Variants in CTDSPL observed in about 807,000 individuals in gnomAD.
The protein encoded by CTDSPL is CTD small phosphatase-like protein.
In CTDSPL, 8 loss-of-function variants were observed where a neutral mutation model predicts 30.5. The ratio of observed to expected loss-of-function variants is 0.26; its 90% CI spans 0.15 to 0.47. The LOEUF is 0.47. CTDSPL is among the 20% of genes least tolerant of loss of function. CTDSPL has a pLI of 0.99. For synonymous variants in CTDSPL, 110 were observed against 137.9 expected (o/e 0.80, Z 1.42); for missense variants, 248 against 366.1 (o/e 0.68, Z 2.63).
intron 1 of CTDSPL, among the ~76,000 whole-genome samples, chr3:37,925,444 T>C (rs1030813424): frequency 6.6e-6 from 1 of 152,170 alleles, no homozygotes; most frequent in Non-Finnish European, 1.5e-5. Flanking sequence ...GCAGCTACCC[T>C]TCTCCTCCCG....
chr3:37,897,744 A>AT (rs2125599656), intron 1 of CTDSPL, among the ~76,000 whole-genome samples: 1 of 152,326 alleles, frequency 6.6e-6, no homozygotes, highest in South Asian at 2.1e-4. Context: ...AGGGTCAAGC[A>AT]TCAGAAGTGA....
chr3:37,965,830 A>C (rs6784376), intron 4 of CTDSPL, among the ~76,000 whole-genome samples: 2,523 of 152,326 alleles, frequency 0.017, 67 homozygotes, highest in African/African-American at 0.057. Context: ...GACCTCTAGC[A>C]GTGAGAAATT....
intron 1 of CTDSPL, among the ~76,000 whole-genome samples, chr3:37,900,917 T>C (rs1351414943): frequency 6.6e-6 from 1 of 152,100 alleles, no homozygotes; most frequent in African/African-American, 2.4e-5. Context: ...CCTGCCTCAG[T>C]CTCTCTAGTA....
chr3:37,875,951 A>AT (rs369739472), intron 1 of CTDSPL, among the ~76,000 whole-genome samples: 1 of 152,068 alleles, frequency 6.6e-6, no homozygotes, highest in South Asian at 2.1e-4. Context: ...TTTAAGTTTA[A>AT]TTTTTTATTG....
Position 37,862,099 on chromosome 3 carries a change from AGCGCCCCCCC to A in CTDSPL, c.-95_-86del. The stretch of plus-strand genomic sequence containing the variant: ...CGGGCGCGCCCAGGCAGCGGCTGCG[AGCGCCCCCCC>A]GCGCCGCGCCCCCGCGCCCCCCGCG... On this transcript the variant is annotated 5_prime_UTR_variant, in exon 1 of 8. Transcript: ENST00000273179. This position sits in a 1 kb window ranked among gnomAD's most constrained non-coding sequence, Gnocchi z 4.3. 3.8e-6 allele frequency: 1 copy of A among 261,268 alleles called. No homozygotes were observed. Among genetic ancestry groups the A allele is most frequent in the South Asian group, 1.5e-4 (1 of 6,728 alleles). The allele number at this position is 261,268 out of a possible 1,614,324, so 16.2% of individuals were successfully genotyped here.
At chr3:37,867,622 G>A (rs990684832) in intron 1 of CTDSPL, among the ~76,000 whole-genome samples, 25 of 152,266 alleles carry the variant, frequency 1.6e-4, no homozygotes, top group African/African-American at 5.5e-4. Flanking sequence ...CCAGCATTTG[G>A]TGTTGTCACT....
chr3:37,958,463 C>G (rs1436500472), intron 3 of CTDSPL, among the ~76,000 whole-genome samples: 1 of 152,136 alleles, frequency 6.6e-6, no homozygotes, highest in Non-Finnish European at 1.5e-5. Flanking sequence ...TGCAGAGGTA[C>G]CTACATTAAA....
At chr3:37,943,797 T>C (rs1228200671) in intron 1 of CTDSPL, among the ~76,000 whole-genome samples, 2 of 150,318 alleles carry the variant, frequency 1.3e-5, no homozygotes. Context: ...CCCTTTTGTG[T>C]GTACAAGGAG....
intron 1 of CTDSPL, among the ~76,000 whole-genome samples, chr3:37,925,376 G>A (rs1468752709): frequency 6.6e-6 from 1 of 152,152 alleles, no homozygotes; most frequent in East Asian, 1.9e-4. Context: ...TGGTTCCTGG[G>A]CTTGTCTTTC....
At chr3:37,915,014 T>G (rs1213434622) in intron 1 of CTDSPL, among the ~76,000 whole-genome samples, 1 of 151,702 alleles carries the variant, frequency 6.6e-6, no homozygotes, top group Non-Finnish European at 1.5e-5. Context: ...CCTTCCAAAG[T>G]GCTGTGATTA....
intron 1 of CTDSPL, among the ~76,000 whole-genome samples, chr3:37,939,760 C>A (rs75631791): frequency 0.061 from 9,194 of 150,174 alleles, 743 homozygotes; most frequent in African/African-American, 0.084. Context: ...CCTCCCACCA[C>A]AAAAAAATTA....
At chr3:37,939,965 G>A (rs552984765) in intron 1 of CTDSPL, among the ~76,000 whole-genome samples, 4 of 150,042 alleles carry the variant, frequency 2.7e-5, no homozygotes, top group African/African-American at 7.3e-5. Context: ...GGTGGCAGGC[G>A]CCTGTAGTCC....
At chr3:37,902,744 C>A (rs1698465978) in intron 1 of CTDSPL, among the ~76,000 whole-genome samples, 1 of 152,102 alleles carries the variant, frequency 6.6e-6, no homozygotes, top group Admixed American at 6.5e-5. Context: ...CTGAACAACA[C>A]TGCAGTTAGA....
At chr3:37,864,251 G>T (rs1212599471) in intron 1 of CTDSPL, among the ~76,000 whole-genome samples, 1 of 152,176 alleles carries the variant, frequency 6.6e-6, no homozygotes, top group East Asian at 1.9e-4. Flanking sequence ...CTGACTCCAG[G>T]AGCAGGAGCA....
intron 2 of CTDSPL, among the ~76,000 whole-genome samples, chr3:37,947,432 C>T (rs1427600850): frequency 5.3e-5 from 8 of 151,994 alleles, no homozygotes; most frequent in Admixed American, 2.6e-4. Context: ...TGGTGGCAGG[C>T]GCCTGTAATC....
chr3:37,980,486 G>A (rs1699477471), intron 7 of CTDSPL, among the ~76,000 whole-genome samples: 1 of 152,126 alleles, frequency 6.6e-6, no homozygotes, highest in African/African-American at 2.4e-5. Context: ...CTTTTTCTGT[G>A]GCAGGAAAAC....
intron 1 of CTDSPL, among the ~76,000 whole-genome samples, chr3:37,866,745 T>G (rs927868131): frequency 1.3e-5 from 2 of 152,244 alleles, no homozygotes; most frequent in Non-Finnish European, 2.9e-5. Context: ...TGTGTTTCCT[T>G]TAAATGTTTG....
chr3:37,951,717 T>C (rs1463018979), intron 2 of CTDSPL, among the ~76,000 whole-genome samples: 1 of 151,338 alleles, frequency 6.6e-6, no homozygotes, highest in African/African-American at 2.4e-5. Context: ...TTATTAGGAA[T>C]AGAACTAATA....
chr3:37,958,934 T>C (rs1189085450), intron 3 of CTDSPL, among the ~76,000 whole-genome samples: 2 of 152,220 alleles, frequency 1.3e-5, no homozygotes, highest in African/African-American at 2.4e-5. Flanking sequence ...GAATCAAGTC[T>C]TGGGAGCCCC....
Sources: gnomAD v4.1 joint callset for allele counts (sites outside exome capture counted in the v4.1 genomes callset) on GRCh38, gnomAD v4.1.1 for gene constraint, Gnocchi (gnomAD v3.1) non-coding constraint, MANE v1.5 for transcripts, NCBI Gene and HGNC (gene_info 2026-07-23, HGNC 2026-07-21) for gene names.